Variants in CCAR1 observed in about 807,000 individuals in gnomAD.
CCAR1 encodes cell division cycle and apoptosis regulator 1.
In CCAR1, 78 loss-of-function variants were observed where a neutral mutation model predicts 163.8. The observed-to-expected ratio is 0.48, with a 90% CI of 0.40 to 0.57. The LOEUF (loss-of-function observed/expected upper bound fraction) is 0.57, where lower values mean the gene tolerates loss of function less well. Ranked by LOEUF, CCAR1 falls within the 20% of genes least tolerant of loss-of-function variation. The probability of loss-of-function intolerance (pLI) is 0.00; values close to 1 mark genes in which losing one functional copy is unlikely to be tolerated. For synonymous variants in CCAR1, 443 were observed against 460.7 expected, an observed-to-expected ratio of 0.96 and a Z score of 0.49; for missense variants, 1,019 against 1,365.2, an observed-to-expected ratio of 0.75 and a Z score of 4.00.
In CCAR1 at chr10:68,786,582, G is replaced by T; in HGVS notation, c.2770G>T (p.Asp924Tyr). 6.3e-7 allele frequency: 1 copy of T among 1,587,840 alleles called. No homozygotes were observed. The highest frequency in any genetic ancestry group is 2.2e-5 in the East Asian group (1 of 44,566). Residue 924 changes from aspartate to tyrosine, a missense_variant, in exon 21 of 25, where the codon GAT (aspartate) becomes TAT (tyrosine). Asp to Tyr is a radical substitution (Grantham distance 160). Transcript: ENST00000265872. ...GACTCAAATGATCACAATTAACAGA[G>T]ATCTGTTAATGGCTTTTGTTTATTT... ...EKTQMITINRDLLMAFVYFDQ... is the reference protein window; with the variant it reads ...EKTQMITINRYLLMAFVYFDQ...
intron 1 of CCAR1, among the ~76,000 whole-genome samples, chr10:68,722,056 A>G (rs1156476719): frequency 1.3e-5 from 2 of 152,152 alleles, no homozygotes; most frequent in Non-Finnish European, 2.9e-5. Context: ...TGGTTTTAAC[A>G]TTACCCTGGC....
At chr10:68,789,684 G>A (rs373376754) in intron 23 of CCAR1, 26 bp from the exon 24 acceptor site, 4 of 1,357,930 alleles carry the variant, frequency 2.9e-6, no homozygotes, top group African/African-American at 1.5e-5. Context: ...GAAGTAAAAT[G>A]TTAATTTTTG....
At position 68,754,699 on chromosome 10, in the gene CCAR1, A is replaced by T; in HGVS notation, c.1345-15A>T. The T allele has an allele frequency of 7.4e-7, 1 of 1,344,520 alleles. No homozygotes were observed. Among genetic ancestry groups the T allele is most frequent in the Non-Finnish European group, 1.1e-6 (1 of 943,382 alleles). The allele number at this position is 1,344,520 out of a possible 1,614,324, so 83.3% of individuals were successfully genotyped here. ...TTTAGACTTTTGACAGGATTGAATT[A>T]TTTGACTATAATAGGTAATGCTGAT... is the stretch of plus-strand genomic sequence containing the variant. On this transcript the variant is annotated splice_polypyrimidine_tract_variant and intron_variant, in intron 11 of 24. Transcript: ENST00000265872.
intron 4 of CCAR1, 91 bp downstream of exon 4, chr10:68,737,980 A>G: frequency 4.7e-6 from 4 of 856,150 alleles, no homozygotes; most frequent in Non-Finnish European, 3.7e-6. Context: ...TCTATCAGCT[A>G]CCTTAACATG....
Position 68,730,974 on chromosome 10 carries a change from T to C in CCAR1, c.74-5902T>C, listed in dbSNP as rs188695040. Among the ~76,000 whole-genome samples the C allele has an allele frequency of 3.7e-3, 569 of 152,364 alleles. 1 individual carries two copies. Among genetic ancestry groups the C allele is most frequent in the Middle Eastern group, 0.01 (3 of 294 alleles). On this transcript the variant is annotated intron_variant, in intron 2 of 24. Coordinates refer to ENST00000265872, the MANE Select transcript of CCAR1 (RefSeq NM_018237.4). ...TCCCAAATTGCTGGGATTACAAATA[T>C]GAGCCACTGTGCCTGGCCTAAATTT...
In CCAR1 at chr10:68,722,524, A is replaced by G; in HGVS notation, c.20A>G (p.Gln7Arg). The G allele has an allele frequency of 6.2e-7, 1 of 1,614,032 alleles. No homozygotes were observed. The highest frequency in any genetic ancestry group is 8.5e-7 in the Non-Finnish European group (1 of 1,179,892). The change falls in exon 2 of 25, where the codon CAG (glutamine) becomes CGG (arginine). Residue 7 changes from glutamine (Q) to arginine (R), a missense_variant. Physicochemically the swap from Gln to Arg is conservative, Grantham distance 43. This residue lies in a region of CCAR1 where 644 missense variants were observed against 904.4 expected (regional missense o/e 0.71). Transcript: ENST00000265872. ...TGCATCATGGCTCAATTTGGAGGAC[A>G]GAAGAATCCGCCATGGGCTACTCAG... is the stretch of plus-strand genomic sequence containing the variant. MAQFGG[Q>R]KNPPWATQFT...
intron 4 of CCAR1, among the ~76,000 whole-genome samples, chr10:68,740,131 TTGA>T (rs1383699352): frequency 1.3e-5 from 2 of 152,224 alleles, no homozygotes; most frequent in Admixed American, 6.5e-5. Flanking sequence ...AAGTAGCATA[TTGA>T]TGATATTGAG....
chr10:68,749,084 C>T (rs185856755), intron 8 of CCAR1, 52 bp from the exon 9 acceptor site: 3 of 1,608,572 alleles, frequency 1.9e-6, no homozygotes, highest in African/African-American at 1.3e-5. Context: ...CAGGTAATGC[C>T]TTCGAACTTT....
intron 23 of CCAR1, among the ~76,000 whole-genome samples, chr10:68,789,298 T>C (rs1355761810): frequency 6.6e-6 from 1 of 151,854 alleles, no homozygotes; most frequent in Non-Finnish European, 1.5e-5. Context: ...AGTTAAAAAT[T>C]TAAATGAAAC....
At chr10:68,735,685 CAT>C (rs1162351131) in intron 2 of CCAR1, 2 of 152,188 alleles carry the variant, frequency 1.3e-5, no homozygotes, top group Non-Finnish European at 2.9e-5. Context: ...GAATTACAGA[CAT>C]GAGCTGCCTC....
intron 15 of CCAR1, 101 bp downstream of exon 15, chr10:68,757,478 G>A (rs898800838): frequency 1.1e-5 from 7 of 614,130 alleles, no homozygotes; most frequent in African/African-American, 7.6e-5. Flanking sequence ...GTAGTGGCGC[G>A]ATCTCGGCTC....
intron 2 of CCAR1, among the ~76,000 whole-genome samples, chr10:68,733,057 G>T (rs1282211247): frequency 6.6e-6 from 1 of 152,214 alleles, no homozygotes; most frequent in Admixed American, 6.5e-5. Context: ...TCACTTTGTT[G>T]GTCCTTGTTT....
Position 68,756,191 on chromosome 10 carries a change from A to T in CCAR1, c.1626-82A>T. 2 of 1,102,674 alleles carry T rather than the reference A, an allele frequency of 1.8e-6. No individual in the cohort carries two copies. The highest frequency in any genetic ancestry group is 2.6e-6 in the Non-Finnish European group (2 of 762,316). The allele number at this position is 1,102,674 out of a possible 1,614,324, so 68.3% of individuals were successfully genotyped here. ...CAAGTTCTTGCAGCAAAATTTCTTT[A>T]CTTGATGTGCTACAAGTGAACTAGG... On this transcript the variant is annotated intron_variant, in intron 13 of 24. Transcript: ENST00000265872. This position sits in a 1 kb window ranked among gnomAD's most constrained non-coding sequence, Gnocchi z 5.1.
chr10:68,747,618 T>C (rs1057239860), intron 8 of CCAR1, 52 bp downstream of exon 8: 17 of 1,500,316 alleles, frequency 1.1e-5, no homozygotes, highest in East Asian at 6.8e-5. Context: ...TTGTTGATAA[T>C]GTAACTATGC....
In CCAR1 at chr10:68,779,633, A is replaced by G. The variant is rs764921029; in HGVS notation, c.2651-6503A>G. Among the ~76,000 whole-genome samples the G allele has an allele frequency of 5.3e-5, 8 of 152,332 alleles. No homozygotes were observed. In the East Asian group the frequency reaches 1.2e-3, roughly 22 times the overall value. Reference sequence around the variant, plus strand: ...AACACAGTTTAACAAGGGTAAAAGGAGTTACACTTTCATCACTCTTCTTTG... The same window carrying G: ...AACACAGTTTAACAAGGGTAAAAGGGGTTACACTTTCATCACTCTTCTTTG... On this transcript the variant is annotated intron_variant, in intron 19 of 24. Coordinates refer to ENST00000265872, the MANE Select transcript of CCAR1 (RefSeq NM_018237.4).
intron 4 of CCAR1, 40 bp downstream of exon 4, chr10:68,737,929 T>C (rs1249076760): frequency 3.8e-6 from 5 of 1,333,252 alleles, no homozygotes; most frequent in Non-Finnish European, 5.3e-6. Flanking sequence ...GATTTTAAAA[T>C]AGCCATTTGC....
intron 17 of CCAR1, among the ~76,000 whole-genome samples, chr10:68,769,494 C>A (rs1364291654): frequency 1.3e-5 from 2 of 152,000 alleles, no homozygotes; most frequent in African/African-American, 4.8e-5. Context: ...GTGGCGCGTA[C>A]GTGTAATCCC....
intron 6 of CCAR1, among the ~76,000 whole-genome samples, chr10:68,744,026 G>A (rs1036538549): frequency 6.6e-6 from 1 of 152,184 alleles, no homozygotes; most frequent in Admixed American, 6.5e-5. Flanking sequence ...TGGGATTACA[G>A]GCGTAAGCCA....
chr10:68,725,813 C>T (rs2055935621), intron 2 of CCAR1, among the ~76,000 whole-genome samples: 1 of 151,820 alleles, frequency 6.6e-6, no homozygotes, highest in African/African-American at 2.4e-5. Flanking sequence ...TCTTGGTGAC[C>T]TTTCTCTTTA....
Sources: gnomAD v4.1 joint callset for allele counts (sites outside exome capture counted in the v4.1 genomes callset) on GRCh38, gnomAD v4.1.1 for gene constraint, gnomAD v4.1.1 regional missense constraint, Gnocchi (gnomAD v3.1) non-coding constraint, MANE v1.5 for transcripts, NCBI Gene and HGNC (gene_info 2026-07-23, HGNC 2026-07-21) for gene names.